The following CTSB variants were observed in gnomAD, a reference collection of about 807,000 sequenced individuals.
The protein encoded by CTSB is cathepsin B.
CTSB carries 57 observed loss-of-function variants against 44.3 expected under a neutral mutation model. The observed-to-expected ratio is 1.29, with a 90% CI of 1.04 to 1.60. The LOEUF is 1.60. Among genes scored for constraint, CTSB ranks in the 40% most tolerant of loss-of-function variants. The pLI, the probability that CTSB is intolerant of heterozygous loss-of-function variation, is 0.00. For synonymous variants in CTSB, 320 were observed against 168.0 expected, an observed-to-expected ratio of 1.91 and a Z score of -7.00; for missense variants, 768 against 443.0, an observed-to-expected ratio of 1.73 and a Z score of -6.59.
In CTSB at chr8:11,853,375, G is replaced by C. The variant is rs371316552; in HGVS notation, c.80C>G (p.Ser27Trp). 6.8e-6 allele frequency: 11 copies of C among 1,612,898 alleles called. No individual in the cohort carries two copies. Among genetic ancestry groups the C allele is most frequent in the East Asian group, 2.2e-5 (1 of 44,858 alleles). The change falls in exon 2 of 10, where the codon TCG (serine) becomes TGG (tryptophan). Residue 27 changes from serine (S) to tryptophan (W), a missense_variant. Ser to Trp is a radical substitution (Grantham distance 177, BLOSUM62 -3). Transcript: ENST00000353047. ...ARSRPSFHPL[S>W]DELVNYVNKR... ...GTTGACATAGTTGACCAGCTCATCC[G>C]ACAGGGGATGGAAAGAGGGCCTGCT...
intron 1 of CTSB, chr8:11,864,447 C>G (rs1816839308): frequency 6.6e-6 from 1 of 151,842 alleles, no homozygotes; most frequent in Non-Finnish European, 1.5e-5. Context: ...GCCGTGGTCG[C>G]ACCACTGCAC....
chr8:11,846,175 GCTGCTCCAGGTACACC>G (rs1185010897), intron 8 of CTSB: 1 of 155,126 alleles, frequency 6.4e-6, no homozygotes, highest in Non-Finnish European at 1.4e-5. Context: ...AGTTTTAATA[GCTGCTCCAGGTACACC>G]CTGAAGAGGT....
At chr8:11,846,874 T>A (rs926644741) in intron 8 of CTSB, among the ~76,000 whole-genome samples, 178 bp downstream of exon 8, 6 of 151,974 alleles carry the variant, frequency 3.9e-5, no homozygotes, top group Non-Finnish European at 7.4e-5. Context: ...ACAAAGACAG[T>A]CAGGTGCCAG....
chr8:11,856,101 G>A (rs1341081728), intron 1 of CTSB, among the ~76,000 whole-genome samples: 1 of 152,080 alleles, frequency 6.6e-6, no homozygotes, highest in Non-Finnish European at 1.5e-5. Flanking sequence ...TATTCAGCAT[G>A]TATCAGATTG....
chr8:11,856,168 G>A (rs564130033), intron 1 of CTSB, among the ~76,000 whole-genome samples: 12 of 152,122 alleles, frequency 7.9e-5, no homozygotes, highest in Non-Finnish European at 1.8e-4. Flanking sequence ...GGAAACGGAA[G>A]GCATGATAAT....
chr8:11,847,926 G>GC (rs1813748783), intron 6 of CTSB, 104 bp from the exon 7 acceptor site: 2 of 1,426,586 alleles, frequency 1.4e-6, no homozygotes, highest in Non-Finnish European at 1.9e-6. Flanking sequence ...GGCAGGTCCT[G>GC]CCAGAGGCCT....
At chr8:11,856,888 T>A (rs1008368863) in intron 1 of CTSB, among the ~76,000 whole-genome samples, 1 of 152,138 alleles carries the variant, frequency 6.6e-6, no homozygotes, top group African/African-American at 2.4e-5. Context: ...TCCTATTATT[T>A]CAGTTTTGTT....
intron 1 of CTSB, among the ~76,000 whole-genome samples, chr8:11,860,627 AAAAACAAAAC>A (rs759399132): frequency 1.3e-5 from 2 of 152,166 alleles, no homozygotes; most frequent in African/African-American, 4.8e-5. Flanking sequence ...TCCGTCTCAA[AAAAACAAAAC>A]AAAACAAAAC....
intron 8 of CTSB, 111 bp downstream of exon 8, chr8:11,846,941 G>A (rs1813478154): frequency 4.1e-6 from 3 of 725,278 alleles, no homozygotes; most frequent in East Asian, 2.5e-5. Context: ...CTCTTCCCCA[G>A]CCCCTCACCT....
chr8:11,862,873 T>A (rs185638103), intron 1 of CTSB, among the ~76,000 whole-genome samples: 2 of 152,216 alleles, frequency 1.3e-5, no homozygotes, highest in African/African-American at 4.8e-5. Context: ...CTTGGCCACA[T>A]TGGGCCCATC....
chr8:11,853,187 T>C, intron 2 of CTSB, 142 bp downstream of exon 2: 1 of 1,143,530 alleles, frequency 8.7e-7, no homozygotes, highest in Middle Eastern at 2.1e-4. Context: ...AGAGCCGACA[T>C]GACTCAGGGT....
In CTSB at chr8:11,842,705, C is replaced by G. The variant is rs766205397; in HGVS notation, c.*2420G>C. The G allele has an allele frequency of 6.6e-6, 1 of 151,484 alleles. No homozygotes were observed. Among genetic ancestry groups the G allele is most frequent in the East Asian group, 1.9e-4 (1 of 5,144 alleles). The allele number at this position is 151,484 out of a possible 1,614,324, so 9.4% of individuals were successfully genotyped here. On this transcript the variant is annotated 3_prime_UTR_variant, in exon 10 of 10. Coordinates refer to ENST00000353047, the MANE Select transcript of CTSB (RefSeq NM_001908.5). ...AGGCTGGAGTGCAATGGCGTGATCT[C>G]GGCTCACTGCATCCTCTGCCTCCCA...
chr8:11,845,991 G>A (rs1318051059), intron 8 of CTSB, among the ~76,000 whole-genome samples: 1 of 152,180 alleles, frequency 6.6e-6, no homozygotes, highest in Non-Finnish European at 1.5e-5. Flanking sequence ...ACTCAAAGTT[G>A]TTGAGTAAAT....
At chr8:11,866,649 C>T (rs1009862122) in intron 1 of CTSB, among the ~76,000 whole-genome samples, 7 of 152,210 alleles carry the variant, frequency 4.6e-5, no homozygotes, top group Non-Finnish European at 8.8e-5. Flanking sequence ...CACCTGAGGT[C>T]AGGAGGTCAA....
At position 11,853,571 on chromosome 8, in the gene CTSB, C is replaced by A. The variant is rs148523722; in HGVS notation, c.-25-92G>T. 7,622 of 1,286,574 alleles carry A rather than the reference C, an allele frequency of 5.9e-3. 45 individuals are homozygous for A. The highest frequency in any genetic ancestry group is 0.017 in the Middle Eastern group (65 of 3,728). The allele number at this position is 1,286,574 out of a possible 1,614,324, so 79.7% of individuals were successfully genotyped here. On this transcript the variant is annotated intron_variant, in intron 1 of 9. Transcript: ENST00000353047. Reference sequence around the variant, plus strand: ...GCACCGTCTCGGGCATCAGTGGGGACCCCCATGCTCGTCCTGGCCCAGGCG... The same window carrying A: ...GCACCGTCTCGGGCATCAGTGGGGAACCCCATGCTCGTCCTGGCCCAGGCG...
At chr8:11,861,726 G>A (rs984470498) in intron 1 of CTSB, among the ~76,000 whole-genome samples, 5 of 152,312 alleles carry the variant, frequency 3.3e-5, no homozygotes, top group Non-Finnish European at 4.4e-5. Context: ...CGTCTGCATC[G>A]GATACCAAAG....
At chr8:11,846,067 T>G in intron 8 of CTSB, 1 of 267,950 alleles carries the variant, frequency 3.7e-6, no homozygotes, top group Non-Finnish European at 7.0e-6. Flanking sequence ...TACATTCTAA[T>G]TGATAAAACA....
intron 1 of CTSB, 156 bp from the exon 2 acceptor site, chr8:11,853,635 G>A (rs1166788057): frequency 2.9e-5 from 20 of 701,694 alleles, no homozygotes; most frequent in East Asian, 9.1e-5. Context: ...TGGGATCCCC[G>A]CCCCCCTGCC....
At chr8:11,865,232 C>T (rs1816952829) in intron 1 of CTSB, among the ~76,000 whole-genome samples, 1 of 152,142 alleles carries the variant, frequency 6.6e-6, no homozygotes, top group African/African-American at 2.4e-5. Flanking sequence ...CCAATAATTT[C>T]CTTAGGCCAG....
Sources: allele counts gnomAD v4.1 joint callset (sites outside exome capture counted in the v4.1 genomes callset), GRCh38; gene constraint gnomAD v4.1.1; transcripts MANE v1.5; gene names NCBI Gene and HGNC (gene_info 2026-07-23, HGNC 2026-07-21).